The following AKT3 variants were observed in gnomAD, a reference collection of about 807,000 sequenced individuals.
The protein encoded by AKT3 is AKT serine/threonine kinase 3.
Under a neutral mutation model 65.3 loss-of-function variants are expected in AKT3, and 15 were observed. That is an observed-to-expected ratio of 0.23 (90% confidence interval 0.15 to 0.35). The LOEUF (loss-of-function observed/expected upper bound fraction) is 0.35. AKT3 is among the 10% of genes least tolerant of loss of function. The pLI is 1.00. For missense variants in AKT3, 243 were observed against 576.5 expected, an observed-to-expected ratio of 0.42 and a Z score of 5.92; for synonymous variants, 206 against 183.8, an observed-to-expected ratio of 1.12 and a Z score of -0.98.
intron 8 of AKT3, among the ~76,000 whole-genome samples, chr1:243,574,875 C>T (rs1158726124): frequency 6.6e-6 from 1 of 152,034 alleles, no homozygotes; most frequent in African/African-American, 2.4e-5. Context: ...AATGTCAAGC[C>T]TACTTACCCA....
chr1:243,739,784 G>A (rs548310714), intron 2 of AKT3, among the ~76,000 whole-genome samples: 1 of 152,252 alleles, frequency 6.6e-6, no homozygotes, highest in African/African-American at 2.4e-5. Context: ...CTTACACTCT[G>A]TTCCCCAGAT....
chr1:243,499,567 A>C (rs1668989336), downstream of AKT3, among the ~76,000 whole-genome samples: 1 of 152,160 alleles, frequency 6.6e-6, no homozygotes, highest in Admixed American at 6.5e-5. Flanking sequence ...ACCTTATTTC[A>C]TATGTGAAGG....
intron 4 of AKT3, among the ~76,000 whole-genome samples, chr1:243,661,088 C>T (rs1216294806): frequency 3.3e-5 from 5 of 152,186 alleles, no homozygotes; most frequent in East Asian, 1.9e-4. Context: ...ACATTCCATG[C>T]TCATGGGTAG....
At chr1:243,709,041 C>G (rs867610162) in intron 2 of AKT3, among the ~76,000 whole-genome samples, 2 of 151,822 alleles carry the variant, frequency 1.3e-5, no homozygotes, top group East Asian at 3.9e-4. Flanking sequence ...GTGTTTTATT[C>G]CTTTTGCTAT....
chr1:243,759,015 T>C (rs1389509378), intron 2 of AKT3, among the ~76,000 whole-genome samples: 2 of 152,168 alleles, frequency 1.3e-5, no homozygotes, highest in Non-Finnish European at 2.9e-5. Context: ...TCAGTGGGGC[T>C]GCTCCCTGAA....
At chr1:243,744,738 C>CAAA (rs932389262) in intron 2 of AKT3, among the ~76,000 whole-genome samples, 5 of 53,190 alleles carry the variant, frequency 9.4e-5, no homozygotes, top group African/African-American at 3.3e-4. Flanking sequence ...GACTCCGTCT[C>CAAA]AAAAAAAAAA....
At chr1:243,678,812 A>G (rs1054859985) in intron 3 of AKT3, among the ~76,000 whole-genome samples, 3 of 152,176 alleles carry the variant, frequency 2.0e-5, no homozygotes, top group African/African-American at 4.8e-5. Flanking sequence ...GAAAGGAAGT[A>G]AAGTTTTCTT....
intron 2 of AKT3, among the ~76,000 whole-genome samples, chr1:243,789,610 G>T (rs1332883257): frequency 6.6e-6 from 1 of 152,050 alleles, no homozygotes; most frequent in Non-Finnish European, 1.5e-5. Context: ...TCTTGTTAAT[G>T]CTGATATTCT....
In AKT3 at chr1:243,578,517, A is replaced by G. The variant is rs951883049; in HGVS notation, c.697-5469T>C. 2.0e-5 allele frequency among the ~76,000 whole-genome samples: 3 copies of G among 152,120 alleles called. No homozygotes were observed. In the East Asian group the frequency reaches 5.8e-4, roughly 29 times the overall value. ...ATGGGCACAGGGAGAACACCACCAC[A>G]CATTAGGGCTTGTGGGGCAGAGCCA... On this transcript the variant is annotated intron_variant, in intron 8 of 13. Transcript: ENST00000673466.
At chr1:243,562,191 C>A (rs1367232295) in intron 10 of AKT3, among the ~76,000 whole-genome samples, 2 of 152,062 alleles carry the variant, frequency 1.3e-5, no homozygotes, top group African/African-American at 4.8e-5. Context: ...GGGAGGAACA[C>A]TGAATTTTAT....
downstream of AKT3, among the ~76,000 whole-genome samples, chr1:243,498,381 G>A (rs560040501): frequency 3.3e-5 from 5 of 152,298 alleles, no homozygotes; most frequent in Middle Eastern, 6.8e-3. Flanking sequence ...AAAGCATCCC[G>A]TGGGCCCAGG....
At position 243,545,274 on chromosome 1, in the gene AKT3, T is replaced by C. The variant is rs191300697; in HGVS notation, c.1251+236A>G. On this transcript the variant is annotated intron_variant, in intron 12 of 13. Transcript: ENST00000673466. ...ATAATGAGAGGCAAACAAATTATTATGGGAAAAAAATAGAAAAATTCTGTG... is the reference window on the plus strand; with the variant it reads ...ATAATGAGAGGCAAACAAATTATTACGGGAAAAAAATAGAAAAATTCTGTG... Among the ~76,000 whole-genome samples, 630 of 152,208 alleles carry C rather than the reference T, an allele frequency of 4.1e-3. 4 individuals are homozygous for C. Among genetic ancestry groups the C allele is most frequent in the Non-Finnish European group, 7.1e-3 (484 of 68,004 alleles).
intron 2 of AKT3, among the ~76,000 whole-genome samples, chr1:243,745,383 C>T (rs761869731): frequency 2.0e-5 from 3 of 151,956 alleles, no homozygotes; most frequent in Non-Finnish European, 2.9e-5. Context: ...TTTAAGAAAA[C>T]GAGATATGAT....
intron 10 of AKT3, among the ~76,000 whole-genome samples, chr1:243,554,782 C>T (rs1673301018): frequency 1.3e-5 from 2 of 148,650 alleles, no homozygotes; most frequent in East Asian, 3.9e-4. Context: ...TTTTTAACCT[C>T]TTTTTTTTTT....
At chr1:243,830,029 A>G (rs1694405270) in intron 2 of AKT3, among the ~76,000 whole-genome samples, 1 of 152,184 alleles carries the variant, frequency 6.6e-6, no homozygotes, top group African/African-American at 2.4e-5. Context: ...CCACAGTAAG[A>G]TACCAATACA....
At chr1:243,572,817 T>TC in intron 9 of AKT3, 109 bp downstream of exon 9, 1 of 1,203,570 alleles carries the variant, frequency 8.3e-7, no homozygotes, top group Non-Finnish European at 1.1e-6. Flanking sequence ...AGTGCTTTTT[T>TC]CCCAACTAAA....
intron 2 of AKT3, among the ~76,000 whole-genome samples, chr1:243,784,415 G>A (rs1482076498): frequency 6.7e-6 from 1 of 149,568 alleles, no homozygotes; most frequent in Non-Finnish European, 1.5e-5. Flanking sequence ...AAAATTGGGG[G>A]AACAGCCCTC....
At chr1:243,651,019 T>G (rs879300212) in intron 4 of AKT3, among the ~76,000 whole-genome samples, 1 of 152,318 alleles carries the variant, frequency 6.6e-6, no homozygotes, top group Admixed American at 6.5e-5. Flanking sequence ...TTGATATTGA[T>G]TCTTCCTATC....
chr1:243,597,496 T>TTTTTC (rs928105385), intron 8 of AKT3, among the ~76,000 whole-genome samples: 2 of 151,976 alleles, frequency 1.3e-5, no homozygotes, highest in Non-Finnish European at 2.9e-5. Context: ...ATACTATGCA[T>TTTTTC]TTTTGTTTTG....
Sources: allele counts gnomAD v4.1 joint callset (sites outside exome capture counted in the v4.1 genomes callset), GRCh38; gene constraint gnomAD v4.1.1; transcripts MANE v1.5; gene names NCBI Gene and HGNC (gene_info 2026-07-23, HGNC 2026-07-21).